The following PCDHGA11 variants were observed in gnomAD, a reference collection of about 807,000 sequenced individuals.
PCDHGA11 encodes protocadherin gamma subfamily A, 11.
In PCDHGA11, 39 loss-of-function variants were observed where a neutral mutation model predicts 60.4. The observed-to-expected ratio is 0.65, with a 90% CI of 0.50 to 0.84. PCDHGA11 has a LOEUF of 0.84. Ranked by LOEUF, PCDHGA11 falls within the 40% of genes least tolerant of loss-of-function variation. PCDHGA11 has a pLI of 0.00. For synonymous variants in PCDHGA11, 533 were observed against 510.3 expected, an observed-to-expected ratio of 1.04 and a Z score of -0.60; for missense variants, 1,165 against 1,197.7, an observed-to-expected ratio of 0.97 and a Z score of 0.40.
At chr5:141,458,662 C>T (rs948275548) in intron 1 of PCDHGA11, among the ~76,000 whole-genome samples, 3 of 152,064 alleles carry the variant, frequency 2.0e-5, no homozygotes, top group East Asian at 1.9e-4. Flanking sequence ...CTCCACCTCT[C>T]GGGTTCAAGC....
chr5:141,510,280 A>G (rs1218058358), intron 3 of PCDHGA11, among the ~76,000 whole-genome samples: 1 of 151,892 alleles, frequency 6.6e-6, no homozygotes, highest in Non-Finnish European at 1.5e-5. Context: ...CTTAAAAAAA[A>G]AAAAAAAAAA....
rs760319541 is a variant in PCDHGA11, at chr5:141,477,772, C to T, written c.2434-17035C>T. 1.2e-6 allele frequency: 2 copies of T among 1,614,026 alleles called. No homozygotes were observed. Among genetic ancestry groups the T allele is most frequent in the South Asian group, 1.1e-5 (1 of 91,088 alleles). ...CCCCGGTCCTAGCCACCAACATCAGCGTGAACATATTTGTCACTGATCGCA... is the reference window on the plus strand; with the variant it reads ...CCCCGGTCCTAGCCACCAACATCAGTGTGAACATATTTGTCACTGATCGCA... On this transcript the variant is annotated intron_variant, in intron 1 of 3. Coordinates refer to ENST00000398587, the MANE Select transcript of PCDHGA11 (RefSeq NM_018914.3). This position sits in a 1 kb window ranked among gnomAD's most constrained non-coding sequence, Gnocchi z 4.9.
At chr5:141,496,639 C>T (rs752903356) in intron 2 of PCDHGA11, among the ~76,000 whole-genome samples, 1 of 152,222 alleles carries the variant, frequency 6.6e-6, no homozygotes, top group Non-Finnish European at 1.5e-5. Context: ...TTGGGCTGCC[C>T]TTGCCCTTCC....
chr5:141,440,918 A>C (rs2154559108), intron 1 of PCDHGA11: 1 of 152,384 alleles, frequency 6.6e-6, no homozygotes, highest in Admixed American at 6.5e-5. Context: ...TCCTGTGCTG[A>C]GAGTGAGGGC....
Position 141,487,272 on chromosome 5 carries a change from T to C in PCDHGA11, c.2434-7535T>C. 6.2e-7 allele frequency: 1 copy of C among 1,614,148 alleles called. No homozygotes were observed. The highest frequency in any genetic ancestry group is 8.5e-7 in the Non-Finnish European group (1 of 1,180,036). Reference sequence around the variant, plus strand: ...TACTTGGCTGTGTCCCTAGTGGCAATTTGCTTTGTCTCCTTTGGCTCATTC... The same window carrying C: ...TACTTGGCTGTGTCCCTAGTGGCAACTTGCTTTGTCTCCTTTGGCTCATTC... On this transcript the variant is annotated intron_variant, in intron 1 of 3. Coordinates refer to ENST00000398587, the MANE Select transcript of PCDHGA11 (RefSeq NM_018914.3). This position sits in a 1 kb window ranked among gnomAD's most constrained non-coding sequence, Gnocchi z 5.0.
chr5:141,460,848 C>T lies in PCDHGA11; in HGVS notation c.2434-33959C>T, dbSNP rs528601988. Among the ~76,000 whole-genome samples, 257 of 150,340 alleles carry T rather than the reference C, an allele frequency of 1.7e-3. 1 individual carries two copies. The highest frequency in any genetic ancestry group is 4.2e-3 in the Admixed American group (62 of 14,868). ...ACACTTAAAGTAATGGCCTCCAGTT[C>T]GATCCAAGTTGCTGCAAAGGACATT... is the stretch of plus-strand genomic sequence containing the variant. On this transcript the variant is annotated intron_variant, in intron 1 of 3. Transcript: ENST00000398587.
At chr5:141,510,132 G>A (rs920772998) in intron 3 of PCDHGA11, among the ~76,000 whole-genome samples, 2 of 152,120 alleles carry the variant, frequency 1.3e-5, no homozygotes, top group African/African-American at 4.8e-5. Context: ...AAATTAGCTG[G>A]GCTAGTGGTG....
chr5:141,479,109 A>G (rs925202951), intron 1 of PCDHGA11, among the ~76,000 whole-genome samples: 4 of 152,234 alleles, frequency 2.6e-5, no homozygotes, highest in Admixed American at 2.6e-4. Context: ...TATTTCAAGC[A>G]TTCTACTGGA....
Position 141,491,176 on chromosome 5 carries a change from G to A in PCDHGA11, c.2434-3631G>A. The A allele has an allele frequency of 1.2e-6, 2 of 1,614,210 alleles. No homozygotes were observed. The highest frequency in any genetic ancestry group is 8.5e-7 in the Non-Finnish European group (1 of 1,180,024). On this transcript the variant is annotated intron_variant, in intron 1 of 3. Transcript: ENST00000398587. The surrounding 1 kb of genome is among the most constrained non-coding windows in gnomAD (Gnocchi z 6.9). ...TGACTCTGACACCCAGCAGGTGGTG[G>A]TCCTGGTGAGGGACAATGGTGACCC...
intron 1 of PCDHGA11, among the ~76,000 whole-genome samples, chr5:141,439,024 T>C (rs1278127532): frequency 2.0e-5 from 3 of 151,510 alleles, no homozygotes; most frequent in African/African-American, 7.3e-5. Flanking sequence ...ATTTTGAAAA[T>C]AGATGCCTCA....
At chr5:141,427,327 C>T (rs2097016376) in intron 1 of PCDHGA11, 1 of 457,028 alleles carries the variant, frequency 2.2e-6, no homozygotes, top group African/African-American at 2.0e-5. Flanking sequence ...GTGGTTTTTA[C>T]TTCAGTGTCC....
chr5:141,477,482 C>G lies in PCDHGA11; in HGVS notation c.2434-17325C>G, dbSNP rs1168724444. On this transcript the variant is annotated intron_variant, in intron 1 of 3. Transcript: ENST00000398587. This position sits in a 1 kb window ranked among gnomAD's most constrained non-coding sequence, Gnocchi z 4.9. ...GTCCGACATCAATGACAACCCTCCA[C>G]AATCTTCTCAATCTTCCTACGACGT... 1 of 1,614,118 alleles carries G rather than the reference C, an allele frequency of 6.2e-7. No individual in the cohort carries two copies. The highest frequency in any genetic ancestry group is 1.1e-5 in the South Asian group (1 of 91,074).
At chr5:141,500,866 A>G (rs576713520) in intron 2 of PCDHGA11, among the ~76,000 whole-genome samples, 19 of 146,112 alleles carry the variant, frequency 1.3e-4, no homozygotes, top group South Asian at 4.3e-4. Context: ...AAACATACAC[A>G]TTCATTTACA....
intron 1 of PCDHGA11, among the ~76,000 whole-genome samples, chr5:141,481,678 G>A (rs1033213047): frequency 6.6e-6 from 1 of 152,006 alleles, no homozygotes; most frequent in African/African-American, 2.4e-5. Flanking sequence ...ATCAGGCCGG[G>A]CCTGGTGGCT....
chr5:141,422,959 C>T lies in PCDHGA11; in HGVS notation c.1732C>T (p.Leu578=). 5 of 1,614,234 alleles carry T rather than the reference C, an allele frequency of 3.1e-6. No individual in the cohort carries two copies. Among genetic ancestry groups the T allele is most frequent in the African/African-American group, 1.3e-5 (1 of 75,080 alleles). ...LPTDGSTGVE[L]APRSAEPGYL... Reference sequence around the variant, plus strand: ...CACAGACGGCTCCACTGGCGTGGAGCTGGCGCCCCGCTCTGCGGAACCTGG... The same window carrying T: ...CACAGACGGCTCCACTGGCGTGGAGTTGGCGCCCCGCTCTGCGGAACCTGG... Residue 578 remains leucine (L), a synonymous_variant, in exon 1 of 4, where the codon CTG becomes TTG. Transcript: ENST00000398587.
chr5:141,468,180 C>T (rs1053758210), intron 1 of PCDHGA11, among the ~76,000 whole-genome samples: 4 of 151,744 alleles, frequency 2.6e-5, no homozygotes, highest in Non-Finnish European at 5.9e-5. Context: ...GAAAAATTTG[C>T]TGGGCATGGT....
At chr5:141,499,247 A>C (rs908111927) in intron 2 of PCDHGA11, among the ~76,000 whole-genome samples, 1 of 152,036 alleles carries the variant, frequency 6.6e-6, no homozygotes, top group Non-Finnish European at 1.5e-5. Flanking sequence ...CTCTGCACAA[A>C]GAGTCTCCAT....
rs70988802 is a variant in PCDHGA11 at position 141,450,006 on chromosome 5, C to CTATTTTTTTT, written c.2433+26347_2433+26348insATTTTTTTTT. ...CACATTGCATTTAGTTGCCATGTCTCTTTTTTTTTTTTTTTTTTGAGACAG... is the reference window on the plus strand; with the variant it reads ...CACATTGCATTTAGTTGCCATGTCTCTATTTTTTTTTTTTTTTTTTTTTTTTTTGAGACAG... On this transcript the variant is annotated intron_variant, in intron 1 of 3. Transcript: ENST00000398587. Among the ~76,000 whole-genome samples the CTATTTTTTTT allele has an allele frequency of 3.0e-5, 4 of 132,980 alleles. 1 individual carries two copies. The highest frequency in any genetic ancestry group is 5.6e-5 in the African/African-American group (2 of 35,572). 87.2% of individuals were successfully genotyped at this position (132,980 alleles called of 152,430 possible). A position where few individuals can be genotyped will look rare whatever the true frequency, so the allele number is the denominator to read the frequency against.
At chr5:141,438,290 A>G (rs1043285243) in intron 1 of PCDHGA11, among the ~76,000 whole-genome samples, 5 of 152,074 alleles carry the variant, frequency 3.3e-5, no homozygotes, top group East Asian at 3.9e-4. Flanking sequence ...TTTAATCTGT[A>G]TGTAAAAGAA....
Sources: allele counts gnomAD v4.1 joint callset (sites outside exome capture counted in the v4.1 genomes callset), GRCh38; gene constraint gnomAD v4.1.1; non-coding constraint Gnocchi (gnomAD v3.1); transcripts MANE v1.5; gene names NCBI Gene and HGNC (gene_info 2026-07-23, HGNC 2026-07-21).